Variants in RFTN1 observed in about 807,000 individuals in gnomAD.
The protein encoded by RFTN1 is raftlin.
In RFTN1, 26 loss-of-function variants were observed where a neutral mutation model predicts 46.5. That is an observed-to-expected ratio of 0.56 (90% CI 0.41 to 0.78). The LOEUF is 0.78. RFTN1 is among the 30% of genes least tolerant of loss of function. The pLI is 0.00. For missense variants in RFTN1, 693 were observed against 718.7 expected, an observed-to-expected ratio of 0.96 and a Z score of 0.41; for synonymous variants, 261 against 284.2, an observed-to-expected ratio of 0.92 and a Z score of 0.82.
intron 6 of RFTN1, among the ~76,000 whole-genome samples, chr3:16,368,278 G>A (rs747938196): frequency 3.3e-5 from 5 of 152,236 alleles, no homozygotes; most frequent in Admixed American, 6.5e-5. Context: ...CTGGCTTTGG[G>A]GAACTTTGTA....
chr3:16,365,246 C>G (rs1335081688), intron 6 of RFTN1, among the ~76,000 whole-genome samples: 1 of 152,152 alleles, frequency 6.6e-6, no homozygotes, highest in East Asian at 1.9e-4. Context: ...CAGTCCCACC[C>G]TAAAACCTGC....
chr3:16,394,786 T>C (rs1237705543), intron 4 of RFTN1, among the ~76,000 whole-genome samples: 1 of 152,232 alleles, frequency 6.6e-6, no homozygotes, highest in Non-Finnish European at 1.5e-5. Flanking sequence ...AGATTTCTTA[T>C]TGACATATGA....
At chr3:16,490,222 T>C (rs1193893174) in intron 2 of RFTN1, among the ~76,000 whole-genome samples, 1 of 152,232 alleles carries the variant, frequency 6.6e-6, no homozygotes, top group Non-Finnish European at 1.5e-5. Flanking sequence ...ATATATGATG[T>C]AATCAAAATG....
At position 16,509,703 on chromosome 3, in the gene RFTN1, A is replaced by C. The variant is rs566361750; in HGVS notation, c.-9+3739T>G. On this transcript the variant is annotated intron_variant, in intron 1 of 9. Coordinates refer to ENST00000334133, the MANE Select transcript of RFTN1 (RefSeq NM_015150.2). The surrounding 1 kb of genome is among the most constrained non-coding windows in gnomAD (Gnocchi z 4.9). ...GGTAAAGTGCCCTCGAGTAAAATAC[A>C]TCCTGGGGCCCTGACATCTTGACAC... is the stretch of plus-strand genomic sequence containing the variant. Among the ~76,000 whole-genome samples the C allele has an allele frequency of 1.1e-3, 172 of 152,368 alleles. No homozygotes were observed. The highest frequency in any genetic ancestry group is 2.9e-3 in the South Asian group (14 of 4,830).
chr3:16,420,687 C>T (rs187482512), intron 3 of RFTN1, among the ~76,000 whole-genome samples: 10 of 152,326 alleles, frequency 6.6e-5, no homozygotes, highest in African/African-American at 2.4e-4. Flanking sequence ...GCATGTTTTG[C>T]TACTGAGCAC....
In RFTN1 at chr3:16,504,348, T is replaced by G. The variant is rs949656701; in HGVS notation, c.-9+9094A>C. 3.3e-5 allele frequency among the ~76,000 whole-genome samples: 5 copies of G among 152,220 alleles called. No individual in the cohort carries two copies. Among genetic ancestry groups the G allele is most frequent in the African/African-American group, 1.2e-4 (5 of 41,440 alleles). On this transcript the variant is annotated intron_variant, in intron 1 of 9. Transcript: ENST00000334133. This position sits in a 1 kb window ranked among gnomAD's most constrained non-coding sequence, Gnocchi z 4.4. ...AACTTCTCAAAACTTGGAACCACACTGAACACCACCACCCTCATTTTCAGT... is the reference window on the plus strand; with the variant it reads ...AACTTCTCAAAACTTGGAACCACACGGAACACCACCACCCTCATTTTCAGT...
intron 1 of RFTN1, among the ~76,000 whole-genome samples, chr3:16,505,246 T>C (rs564592126): frequency 6.6e-6 from 1 of 152,318 alleles, no homozygotes; most frequent in South Asian, 2.1e-4. Context: ...TTTCCAGTCC[T>C]ACCTCCCATT....
rs562553714 is a variant in RFTN1, at chr3:16,455,582, G to A, written c.146-21545C>T. ...TCTGCCCACAAGTTTTGTTAGGAGA[G>A]GACATTAACACCAGTCATTTATGGT... On this transcript the variant is annotated intron_variant, in intron 2 of 9. Coordinates refer to ENST00000334133, the MANE Select transcript of RFTN1 (RefSeq NM_015150.2). 8.5e-5 allele frequency among the ~76,000 whole-genome samples: 13 copies of A among 152,264 alleles called. 1 individual carries two copies. In the South Asian group the frequency reaches 2.5e-3, roughly 29 times the overall value.
Position 16,412,531 on chromosome 3 carries a change from TGGAGGTGGGGAGTGAGGTGGTGG to T in RFTN1, c.333-3071_333-3049del, listed in dbSNP as rs2074998080. Among the ~76,000 whole-genome samples the T allele has an allele frequency of 2.6e-5, 4 of 152,354 alleles. No homozygotes were observed. In the South Asian group the frequency reaches 8.3e-4, roughly 32 times the overall value. ...AGGGAGTTTCTGGGCTTCTCAGCACTGGAGGTGGGGAGTGAGGTGGTGGTGGGGAGACCATGGTTGCTGTGGCA... is the reference window on the plus strand; with the variant it reads ...AGGGAGTTTCTGGGCTTCTCAGCACTTGGGGAGACCATGGTTGCTGTGGCA... On this transcript the variant is annotated intron_variant, in intron 3 of 9. Coordinates refer to ENST00000334133, the MANE Select transcript of RFTN1 (RefSeq NM_015150.2).
intron 9 of RFTN1, among the ~76,000 whole-genome samples, chr3:16,319,513 G>T (rs1487618166): frequency 6.6e-6 from 1 of 152,160 alleles, no homozygotes; most frequent in Non-Finnish European, 1.5e-5. Flanking sequence ...GATGTGAATA[G>T]CGCCCTCTGC....
intron 2 of RFTN1, among the ~76,000 whole-genome samples, chr3:16,492,902 T>C (rs1034124972): frequency 6.6e-6 from 1 of 152,208 alleles, no homozygotes; most frequent in Non-Finnish European, 1.5e-5. Flanking sequence ...GCTCTGATGC[T>C]GATGCTGACC....
chr3:16,387,399 G>A lies in RFTN1; in HGVS notation c.442-9297C>T, dbSNP rs1470119854. ...AGAGATGACTTAAAGACAAAATCGA[G>A]GTCAGAAGCTGAGAAGCCCATCCCC... On this transcript the variant is annotated intron_variant, in intron 4 of 9. Coordinates refer to ENST00000334133, the MANE Select transcript of RFTN1 (RefSeq NM_015150.2). The surrounding 1 kb of genome is among the most constrained non-coding windows in gnomAD (Gnocchi z 5.2). Among the ~76,000 whole-genome samples the A allele has an allele frequency of 3.9e-5, 6 of 152,104 alleles. No individual in the cohort carries two copies. The highest frequency in any genetic ancestry group is 1.3e-4 in the Admixed American group (2 of 15,264).
At position 16,370,156 on chromosome 3, in the gene RFTN1, T is replaced by C. The variant is rs769917289; in HGVS notation, c.950A>G (p.Asn317Ser). The C allele has an allele frequency of 5.0e-6, 8 of 1,614,136 alleles. No individual in the cohort carries two copies. In the African/African-American group the frequency reaches 8.0e-5, roughly 16 times the overall value. The change falls in exon 6 of 10, where the codon AAC becomes AGC. Residue 317 changes from asparagine to serine, a missense_variant. Physicochemically the swap from Asn to Ser is conservative, Grantham distance 46. Coordinates refer to ENST00000334133, the MANE Select transcript of RFTN1 (RefSeq NM_015150.2). The surrounding 1 kb of genome is among the most constrained non-coding windows in gnomAD (Gnocchi z 5.5). The stretch of plus-strand genomic sequence containing the variant: ...GTGGTCGCTCATGTGCTCTAACCAG[T>C]TGGCGTCCAAACCGCTCACTGTCTG... ...NGQTVSGLDA[N>S]WLEHMSDHFR...
chr3:16,328,256 A>G (rs1441686899), intron 7 of RFTN1, among the ~76,000 whole-genome samples: 1 of 152,230 alleles, frequency 6.6e-6, no homozygotes, highest in Non-Finnish European at 1.5e-5. Flanking sequence ...TTAGAAGGCA[A>G]AGCTGGGCCT....
rs1024044773 is a variant in RFTN1 at position 16,322,025 on chromosome 3, T to A, written c.1332+1351A>T. 6.6e-6 allele frequency among the ~76,000 whole-genome samples: 1 copy of A among 152,090 alleles called. No homozygotes were observed. The highest frequency in any genetic ancestry group is 2.4e-5 in the African/African-American group (1 of 41,424). Reference sequence around the variant, plus strand: ...TCTCCCTCTGTAAGGCTGCAGCGGGTGTCTGTCAGCATCTGACAGGGGCCC... The same window carrying A: ...TCTCCCTCTGTAAGGCTGCAGCGGGAGTCTGTCAGCATCTGACAGGGGCCC... On this transcript the variant is annotated intron_variant, in intron 9 of 9. Coordinates refer to ENST00000334133, the MANE Select transcript of RFTN1 (RefSeq NM_015150.2). The surrounding 1 kb of genome is among the most constrained non-coding windows in gnomAD (Gnocchi z 6.2).
rs1001641926 is a variant in RFTN1, at chr3:16,352,637, G to C, written c.1146+5295C>G. ...CTTTTAGCATAAAACGAAGGCAATG[G>C]GGGGAGGATCTGTCTCACTGATGAT... On this transcript the variant is annotated intron_variant, in intron 7 of 9. Coordinates refer to ENST00000334133, the MANE Select transcript of RFTN1 (RefSeq NM_015150.2). This position sits in a 1 kb window ranked among gnomAD's most constrained non-coding sequence, Gnocchi z 4.6. Among the ~76,000 whole-genome samples the C allele has an allele frequency of 1.2e-4, 19 of 152,206 alleles. No individual in the cohort carries two copies. Among genetic ancestry groups the C allele is most frequent in the African/African-American group, 3.9e-4 (16 of 41,448 alleles).
At chr3:16,326,548 TCA>T (rs2069712494) in intron 8 of RFTN1, among the ~76,000 whole-genome samples, 1 of 152,168 alleles carries the variant, frequency 6.6e-6, no homozygotes, top group African/African-American at 2.4e-5. Flanking sequence ...CAGTAATGAC[TCA>T]CAGGGCCCCC....
chr3:16,331,231 C>A (rs911153811), intron 7 of RFTN1, among the ~76,000 whole-genome samples: 1 of 152,200 alleles, frequency 6.6e-6, no homozygotes, highest in African/African-American at 2.4e-5. Flanking sequence ...AAAATTGCTA[C>A]CAAAACACTA....
At position 16,512,297 on chromosome 3, in the gene RFTN1, G is replaced by T. The variant is rs1394971068; in HGVS notation, c.-9+1145C>A. Among the ~76,000 whole-genome samples, 2 of 152,220 alleles carry T rather than the reference G, an allele frequency of 1.3e-5. No homozygotes were observed. The highest frequency in any genetic ancestry group is 2.9e-5 in the Non-Finnish European group (2 of 68,048). On this transcript the variant is annotated intron_variant, in intron 1 of 9. Transcript: ENST00000334133. The surrounding 1 kb of genome is among the most constrained non-coding windows in gnomAD (Gnocchi z 4.3). Reference sequence around the variant, plus strand: ...CCTGAGATGACACACGATGGCAGGGGTTGGAAGATGCCTAGTCTAGTTGAG... The same window carrying T: ...CCTGAGATGACACACGATGGCAGGGTTTGGAAGATGCCTAGTCTAGTTGAG...
Sources: allele counts gnomAD v4.1 joint callset (sites outside exome capture counted in the v4.1 genomes callset), GRCh38; gene constraint gnomAD v4.1.1; non-coding constraint Gnocchi (gnomAD v3.1); transcripts MANE v1.5; gene names NCBI Gene and HGNC (gene_info 2026-07-23, HGNC 2026-07-21).